The following PRRG3 variants were observed in gnomAD, a reference collection of about 807,000 sequenced individuals.
PRRG3 encodes transmembrane gamma-carboxyglutamic acid protein 3.
Under a neutral mutation model 15.8 loss-of-function variants are expected in PRRG3, and 21 were observed. That is an observed-to-expected ratio of 1.33 (90% CI 0.94 to 1.92). The LOEUF (loss-of-function observed/expected upper bound fraction) is 1.92. Ranked by LOEUF, PRRG3 falls within the 40% of genes most tolerant of loss-of-function variation. The pLI, the probability that PRRG3 is intolerant of heterozygous loss-of-function variation, is 0.00. For synonymous variants in PRRG3, 125 were observed against 84.1 expected (o/e 1.49, Z -2.66); for missense variants, 251 against 200.2 (o/e 1.25, Z -1.53).
rs1048946961 is a variant in PRRG3, at chrX:151,704,129, C to T, written c.*3096C>T. On this transcript the variant is annotated 3_prime_UTR_variant, in exon 4 of 4. Coordinates refer to ENST00000674457, the MANE Select transcript of PRRG3 (RefSeq NM_001372163.1). ...AAAAATCGAAATCCTGTCCCTCCCC[C>T]GCTTCCCATCGCCTCCGGTTTTCAA... The T allele has an allele frequency of 1.8e-5, 2 of 109,629 alleles. No individual in the cohort carries two copies. The highest frequency in any genetic ancestry group is 6.7e-5 in the African/African-American group (2 of 30,009). The allele number at this position is 109,629 out of a possible 1,213,427, so 9.0% of individuals were successfully genotyped here.
intron 1 of PRRG3, 125 bp from the exon 2 acceptor site, chrX:151,698,659 C>T (rs949669764): frequency 1.3e-5 from 6 of 470,611 alleles, no homozygotes; most frequent in Admixed American, 1.1e-4. Flanking sequence ...ACGACGCACC[C>T]CACAAGGTGC....
intron 2 of PRRG3, among the ~76,000 whole-genome samples, chrX:151,699,111 G>A (rs2014816859): frequency 8.8e-6 from 1 of 113,067 alleles, no homozygotes; most frequent in Non-Finnish European, 1.9e-5. Flanking sequence ...GCCAGCTTGG[G>A]CATCCAGGGG....
intron 1 of PRRG3, among the ~76,000 whole-genome samples, chrX:151,696,704 A>G (rs1415955305): frequency 1.8e-5 from 2 of 110,846 alleles, no homozygotes; most frequent in Middle Eastern, 4.2e-3. Flanking sequence ...TCAAGCAAAA[A>G]ATCCTTGCCA....
At chrX:151,699,275 C>T (rs1254267060) in intron 2 of PRRG3, among the ~76,000 whole-genome samples, 1 of 112,565 alleles carries the variant, frequency 8.9e-6, no homozygotes. Context: ...CTGGGTGTCT[C>T]TCTCTGGAAT....
intron 1 of PRRG3, among the ~76,000 whole-genome samples, chrX:151,695,865 C>G (rs1056805404): frequency 9.0e-6 from 1 of 111,025 alleles, no homozygotes; most frequent in African/African-American, 3.3e-5. Flanking sequence ...TTTGGAGAAC[C>G]CTTTCCTGGC....
intron 1 of PRRG3, chrX:151,698,368 T>C (rs1254647882): frequency 8.6e-6 from 1 of 116,919 alleles, no homozygotes; most frequent in Non-Finnish European, 1.8e-5. Flanking sequence ...TCTGAGCCCG[T>C]CTCTCTGGGC....
At chrX:151,700,422 G>T in intron 3 of PRRG3, 84 bp from the exon 4 acceptor site, 1 of 1,124,851 alleles carries the variant, frequency 8.9e-7, no homozygotes, top group South Asian at 2.1e-5. Flanking sequence ...AGATGGGGAA[G>T]GGTAGGAAGC....
Position 151,701,358 on chromosome X carries a change from T to G in PRRG3, c.*325T>G. The G allele has an allele frequency of 5.7e-6, 1 of 175,141 alleles. No individual in the cohort carries two copies. Among genetic ancestry groups the G allele is most frequent in the Non-Finnish European group, 1.1e-5 (1 of 92,936 alleles). The allele number at this position is 175,141 out of a possible 1,213,427, so 14.4% of individuals were successfully genotyped here. A position where few individuals can be genotyped will look rare whatever the true frequency, so the allele number is the denominator to read the frequency against. ...CAAAGGAATAACCCCATTGAGTTGA[T>G]TGTGGCCAGAATGTCCACAGGCCTG... On this transcript the variant is annotated 3_prime_UTR_variant, in exon 4 of 4. Coordinates refer to ENST00000674457, the MANE Select transcript of PRRG3 (RefSeq NM_001372163.1).
Position 151,703,551 on chromosome X carries a change from TATTTGTACCAGG to T in PRRG3, c.*2520_*2531del, listed in dbSNP as rs1436810987. 9.1e-6 allele frequency: 1 copy of T among 110,137 alleles called. No homozygotes were observed. The highest frequency in any genetic ancestry group is 1.9e-5 in the Non-Finnish European group (1 of 52,846). 9.1% of individuals were successfully genotyped at this position (110,137 alleles called of 1,213,427 possible). On this transcript the variant is annotated 3_prime_UTR_variant, in exon 4 of 4. Coordinates refer to ENST00000674457, the MANE Select transcript of PRRG3 (RefSeq NM_001372163.1). Reference sequence around the variant, plus strand: ...TGAAACAATAGCCGGTGTGCAGCTATATTTGTACCAGGAGGGATCCGGTCTGAAAAGAGGAAT... The same window carrying T: ...TGAAACAATAGCCGGTGTGCAGCTATAGGGATCCGGTCTGAAAAGAGGAAT...
At position 151,701,858 on chromosome X, in the gene PRRG3, G is replaced by A. The variant is rs2014892401; in HGVS notation, c.*825G>A. The stretch of plus-strand genomic sequence containing the variant: ...TTCAAACCACTACCCACTGGCATGA[G>A]CCTACTTTTTGCGAATGGTGCATTG... On this transcript the variant is annotated 3_prime_UTR_variant, in exon 4 of 4. Transcript: ENST00000674457. 8.9e-6 allele frequency: 1 copy of A among 112,838 alleles called. No individual in the cohort carries two copies. Among genetic ancestry groups the A allele is most frequent in the African/African-American group, 3.2e-5 (1 of 31,021 alleles). 9.3% of individuals were successfully genotyped at this position (112,838 alleles called of 1,213,427 possible).
upstream of PRRG3, among the ~76,000 whole-genome samples, chrX:151,694,891 C>T (rs1483102597): frequency 9.0e-6 from 1 of 111,190 alleles, no homozygotes; most frequent in African/African-American, 3.2e-5. Context: ...AGGGCTTTGA[C>T]CAAGGGTCCT....
In PRRG3 at chrX:151,703,628, G is replaced by T. The variant is rs1569423020; in HGVS notation, c.*2595G>T. ...CAGGGCTGAGTAGCCTGATGACAGG[G>T]CCCTGAGCAAGGAAACGTGGCATTA... On this transcript the variant is annotated 3_prime_UTR_variant, in exon 4 of 4. Coordinates refer to ENST00000674457, the MANE Select transcript of PRRG3 (RefSeq NM_001372163.1). 1 of 111,147 alleles carries T rather than the reference G, an allele frequency of 9.0e-6. No homozygotes were observed. Among genetic ancestry groups the T allele is most frequent in the Non-Finnish European group, 1.9e-5 (1 of 53,058 alleles). The allele number at this position is 111,147 out of a possible 1,213,427, so 9.2% of individuals were successfully genotyped here.
Position 151,703,802 on chromosome X carries a change from G to A in PRRG3, c.*2769G>A. 1.0e-5 allele frequency: 1 copy of A among 99,967 alleles called. No individual in the cohort carries two copies. The highest frequency in any genetic ancestry group is 3.7e-5 in the African/African-American group (1 of 27,328). The allele number at this position is 99,967 out of a possible 1,213,427, so 8.2% of individuals were successfully genotyped here. On this transcript the variant is annotated 3_prime_UTR_variant, in exon 4 of 4. Coordinates refer to ENST00000674457, the MANE Select transcript of PRRG3 (RefSeq NM_001372163.1). ...TTTTGGCATGGTGCCCCTGGCCCAG[G>A]CTTCTGTTCTGTGGGTGTCAGCAGC...
Position 151,697,102 on chromosome X carries a change from C to T in PRRG3, c.-32+1558C>T, listed in dbSNP as rs200533138. Reference sequence around the variant, plus strand: ...CTCCTTCCTTCCTTCCTTCCTCCCTCCCTCCCTTCCTTCCTCCCTCCCTCC... The same window carrying T: ...CTCCTTCCTTCCTTCCTTCCTCCCTTCCTCCCTTCCTTCCTCCCTCCCTCC... On this transcript the variant is annotated intron_variant, in intron 1 of 3. Coordinates refer to ENST00000674457, the MANE Select transcript of PRRG3 (RefSeq NM_001372163.1). 9.7e-3 allele frequency among the ~76,000 whole-genome samples: 403 copies of T among 41,530 alleles called. 2 individuals are homozygous for T. The highest frequency in any genetic ancestry group is 0.041 in the East Asian group (13 of 315). 36.1% of individuals were successfully genotyped at this position (41,530 alleles called of 115,157 possible).
rs200265801 is a variant in PRRG3, at chrX:151,700,782, C to T, written c.445C>T (p.Arg149Ter). The part of the protein sequence containing the change: ...VHSQGEPSGH[R>*]EAANSPQVVL... The stretch of plus-strand genomic sequence containing the variant: ...TAGCCAAGGGGAGCCTTCTGGGCAC[C>T]GAGAGGCAGCGAACAGCCCCCAGGT... The change falls in exon 4 of 4, where the codon CGA becomes TGA. Residue 149 changes from arginine (R) to a stop codon, truncating the protein, a stop_gained. Coordinates refer to ENST00000674457, the MANE Select transcript of PRRG3 (RefSeq NM_001372163.1). LOFTEE classifies it high-confidence loss of function. The T allele has an allele frequency of 1.5e-5, 18 of 1,192,252 alleles. No homozygotes were observed. Among genetic ancestry groups the T allele is most frequent in the East Asian group, 6.0e-5 (2 of 33,334 alleles).
rs1267573128 is a variant in PRRG3, at chrX:151,704,376, G to C, written c.*3343G>C. 9.0e-6 allele frequency: 1 copy of C among 111,574 alleles called. No homozygotes were observed. The highest frequency in any genetic ancestry group is 1.9e-5 in the Non-Finnish European group (1 of 53,094). The allele number at this position is 111,574 out of a possible 1,213,427, so 9.2% of individuals were successfully genotyped here. A position where few individuals can be genotyped will look rare whatever the true frequency, so the allele number is the denominator to read the frequency against. On this transcript the variant is annotated 3_prime_UTR_variant, in exon 4 of 4. Coordinates refer to ENST00000674457, the MANE Select transcript of PRRG3 (RefSeq NM_001372163.1). ...TCTGTTGGACATTGCCTTTTTGGTA[G>C]CCCGAATATGAGGAATTCAGGACAG...
rs935231268 is a variant in PRRG3 at position 151,704,871 on chromosome X, A to G, written c.*3838A>G. The stretch of plus-strand genomic sequence containing the variant: ...CTGCTTGCAACTATTTTAAAAGCCC[A>G]TTAATTTGAAGCCCACTACTTCAGA... On this transcript the variant is annotated 3_prime_UTR_variant, in exon 4 of 4. Transcript: ENST00000674457. The G allele has an allele frequency of 2.6e-5, 3 of 117,184 alleles. No homozygotes were observed. Among genetic ancestry groups the G allele is most frequent in the Non-Finnish European group, 5.2e-5 (3 of 57,301 alleles). The allele number at this position is 117,184 out of a possible 1,213,427, so 9.7% of individuals were successfully genotyped here.
At chrX:151,698,674 T>C (rs1411272423) in intron 1 of PRRG3, 110 bp from the exon 2 acceptor site, 1 of 555,674 alleles carries the variant, frequency 1.8e-6, no homozygotes, top group Admixed American at 3.0e-5. Flanking sequence ...AGGTGCTGCT[T>C]CAACCTTTTG....
chrX:151,701,179 C>A lies in PRRG3; in HGVS notation c.*146C>A. The A allele has an allele frequency of 1.8e-6, 1 of 543,053 alleles. No homozygotes were observed. The highest frequency in any genetic ancestry group is 2.6e-6 in the Non-Finnish European group (1 of 381,449). 44.8% of individuals were successfully genotyped at this position (543,053 alleles called of 1,213,427 possible). On this transcript the variant is annotated 3_prime_UTR_variant, in exon 4 of 4. Transcript: ENST00000674457. ...CCCTAACTGTGGAGTTTTAGGAAGTCAGTTGTCAGAGACAGGTGGGGAGGG... is the reference window on the plus strand; with the variant it reads ...CCCTAACTGTGGAGTTTTAGGAAGTAAGTTGTCAGAGACAGGTGGGGAGGG...
Sources: allele counts gnomAD v4.1 joint callset (sites outside exome capture counted in the v4.1 genomes callset), GRCh38; gene constraint gnomAD v4.1.1; transcripts MANE v1.5; gene names NCBI Gene and HGNC (gene_info 2026-07-23, HGNC 2026-07-21).